Variants in WFDC2 observed in about 807,000 individuals in gnomAD.
WFDC2 encodes the protein WAP four-disulfide core domain 2.
In WFDC2, 8 loss-of-function variants were observed where a neutral mutation model predicts 12.5. That is an observed-to-expected ratio of 0.64 (90% CI 0.37 to 1.15). WFDC2 has a LOEUF of 1.15. Ranked by LOEUF, WFDC2 falls within the 50% of genes most tolerant of loss-of-function variation. WFDC2 has a pLI of 0.01. For synonymous variants in WFDC2, 74 were observed against 67.2 expected (o/e 1.10, Z -0.49); for missense variants, 166 against 159.9 (o/e 1.04, Z -0.21).
At chr20:45,471,307 C>G (rs1991169448) in intron 2 of WFDC2, 2 of 398,894 alleles carry the variant, frequency 5.0e-6, no homozygotes, top group South Asian at 3.6e-5. Flanking sequence ...GCAGTCTCCA[C>G]CAGGCTATCA....
chr20:45,469,868 G>A lies in WFDC2; in HGVS notation c.79+8G>A. On this transcript the variant is annotated splice_region_variant and intron_variant, in intron 1 of 3. Transcript: ENST00000372676. ...GCTTCACCCTAGTCTCAGGTGAGTG[G>A]GGCGGGGAGAGGCCCGGCGCCTAGA... 1 of 1,602,832 alleles carries A rather than the reference G, an allele frequency of 6.2e-7. No homozygotes were observed.
At chr20:45,475,143 AT>A (rs201060388) in intron 2 of WFDC2, among the ~76,000 whole-genome samples, 1 of 151,560 alleles carries the variant, frequency 6.6e-6, no homozygotes, top group Non-Finnish European at 1.5e-5. Context: ...GAATTCATTG[AT>A]TTTTTTTGAA....
intron 2 of WFDC2, among the ~76,000 whole-genome samples, chr20:45,475,573 G>T (rs1991223312): frequency 6.6e-6 from 1 of 152,160 alleles, no homozygotes; most frequent in African/African-American, 2.4e-5. Context: ...TTTTGCATTT[G>T]CTAATTAGTG....
chr20:45,470,376 C>A lies in WFDC2; in HGVS notation c.80-13C>A, dbSNP rs1330737130. 2 of 1,574,028 alleles carry A rather than the reference C, an allele frequency of 1.3e-6. 1 individual carries two copies. The highest frequency in any genetic ancestry group is 3.6e-5 in the Admixed American group (2 of 55,536). ...ACGCCCCACCCTCGACTGTCCCGGG[C>A]CTCCCCTCCCAGGCACAGGAGCAGA... On this transcript the variant is annotated splice_polypyrimidine_tract_variant and intron_variant, in intron 1 of 3. Transcript: ENST00000372676. This position sits in a 1 kb window ranked among gnomAD's most constrained non-coding sequence, Gnocchi z 5.4.
intron 2 of WFDC2, chr20:45,471,364 C>T (rs1407684502): frequency 3.0e-6 from 1 of 333,778 alleles, no homozygotes. Flanking sequence ...TTTCCGTTCT[C>T]CAGAGGAAAA....
Position 45,470,643 on chromosome 20 carries a change from G to A in WFDC2, c.223+111G>A. 2.1e-6 allele frequency: 3 copies of A among 1,396,062 alleles called. No individual in the cohort carries two copies. The highest frequency in any genetic ancestry group is 2.8e-6 in the Non-Finnish European group (3 of 1,057,080). 86.5% of individuals were successfully genotyped at this position (1,396,062 alleles called of 1,614,324 possible). A position where few individuals can be genotyped will look rare whatever the true frequency, so the allele number is the denominator to read the frequency against. ...GCGCCCCCGGACCCGGGGACCCCCG[G>A]GAAAGTCAAGGCGGTTGAAACCAGA... On this transcript the variant is annotated intron_variant, in intron 2 of 3. Coordinates refer to ENST00000372676, the MANE Select transcript of WFDC2 (RefSeq NM_006103.4). This position sits in a 1 kb window ranked among gnomAD's most constrained non-coding sequence, Gnocchi z 5.4.
chr20:45,479,795 C>T (rs1991278033), intron 2 of WFDC2, 147 bp from the exon 3 acceptor site: 2 of 1,613,592 alleles, frequency 1.2e-6, no homozygotes, highest in Non-Finnish European at 1.7e-6. Context: ...CTCCTGAGAG[C>T]AGCTCAGGTG....
At chr20:45,479,776 T>A in intron 2 of WFDC2, 166 bp from the exon 3 acceptor site, 1 of 1,613,872 alleles carries the variant, frequency 6.2e-7, no homozygotes, top group South Asian at 1.1e-5. Context: ...GCAGGTGATC[T>A]TCCTGGGCCT....
At chr20:45,477,789 C>T (rs1991251383) in intron 2 of WFDC2, among the ~76,000 whole-genome samples, 1 of 152,216 alleles carries the variant, frequency 6.6e-6, no homozygotes, top group Non-Finnish European at 1.5e-5. Context: ...TGCTCTGTCC[C>T]AGGGAGATGG....
In WFDC2 at chr20:45,470,262, G is replaced by T. The variant is rs920878996; in HGVS notation, c.80-127G>T. The stretch of plus-strand genomic sequence containing the variant: ...GGTCTGGAAGAAGGAGTCTCTGGGG[G>T]CTGTAAGGGGACTCCTAGGGCCAGA... On this transcript the variant is annotated intron_variant, in intron 1 of 3. Transcript: ENST00000372676. This position sits in a 1 kb window ranked among gnomAD's most constrained non-coding sequence, Gnocchi z 5.4. The T allele has an allele frequency of 2.3e-6, 3 of 1,308,902 alleles. No individual in the cohort carries two copies. The highest frequency in any genetic ancestry group is 2.7e-5 in the Admixed American group (1 of 36,620). The allele number at this position is 1,308,902 out of a possible 1,614,324, so 81.1% of individuals were successfully genotyped here. A position where few individuals can be genotyped will look rare whatever the true frequency, so the allele number is the denominator to read the frequency against.
intron 2 of WFDC2, among the ~76,000 whole-genome samples, chr20:45,479,206 C>T (rs948773380): frequency 3.3e-5 from 5 of 152,168 alleles, no homozygotes; most frequent in Admixed American, 2.0e-4. Context: ...AACTGGGATT[C>T]GGTCTGTGGG....
Position 45,479,989 on chromosome 20 carries a change from G to T in WFDC2, c.271G>T (p.Gly91Cys), listed in dbSNP as rs772150522. ...PQVNINFPQL[G>C]LCRDQCQVDS... The stretch of plus-strand genomic sequence containing the variant: ...GGTGAACATTAACTTTCCCCAGCTC[G>T]GCCTCTGTCGGGACCAGTGCCAGGT... Residue 91 changes from glycine (G) to cysteine (C), a missense_variant, in exon 3 of 4, where the codon GGC becomes TGC. Gly to Cys is a radical substitution (Grantham distance 159, BLOSUM62 -3). Coordinates refer to ENST00000372676, the MANE Select transcript of WFDC2 (RefSeq NM_006103.4). 4.3e-6 allele frequency: 7 copies of T among 1,614,068 alleles called. No individual in the cohort carries two copies. The highest frequency in any genetic ancestry group is 5.9e-6 in the Non-Finnish European group (7 of 1,180,040).
intron 2 of WFDC2, chr20:45,479,515 G>T: frequency 1.5e-6 from 1 of 680,954 alleles, no homozygotes; most frequent in South Asian, 1.8e-5. Context: ...TACCTGGCAT[G>T]TAATAAGAGC....
At position 45,470,366 on chromosome 20, in the gene WFDC2, C is replaced by CT; in HGVS notation, c.80-22dup. The CT allele has an allele frequency of 6.4e-7, 1 of 1,566,058 alleles. No individual in the cohort carries two copies. Among genetic ancestry groups the CT allele is most frequent in the South Asian group, 1.2e-5 (1 of 85,332 alleles). On this transcript the variant is annotated intron_variant, in intron 1 of 3. Transcript: ENST00000372676. The surrounding 1 kb of genome is among the most constrained non-coding windows in gnomAD (Gnocchi z 5.4). ...GGCTGGCGCTACGCCCCACCCTCGA[C>CT]TGTCCCGGGCCTCCCCTCCCAGGCA...
At position 45,473,015 on chromosome 20, in the gene WFDC2, C is replaced by T. The variant is rs148357447; in HGVS notation, c.223+2483C>T. Among the ~76,000 whole-genome samples the T allele has an allele frequency of 2.5e-3, 385 of 152,242 alleles. 1 individual carries two copies. Among genetic ancestry groups the T allele is most frequent in the Middle Eastern group, 0.01 (3 of 294 alleles). ...TTGAGAAGCATCTGTTCATATCCTT[C>T]GCCCACGTTCTAATGGGGTTTTTTT... is the stretch of plus-strand genomic sequence containing the variant. On this transcript the variant is annotated intron_variant, in intron 2 of 3. Coordinates refer to ENST00000372676, the MANE Select transcript of WFDC2 (RefSeq NM_006103.4).
intron 2 of WFDC2, chr20:45,471,016 C>T: frequency 2.5e-6 from 1 of 399,600 alleles, no homozygotes; most frequent in East Asian, 7.5e-5. Context: ...AGGAACTTTA[C>T]AGATTTAGGA....
Position 45,470,273 on chromosome 20 carries a change from A to G in WFDC2, c.80-116A>G. 2.2e-6 allele frequency: 3 copies of G among 1,381,458 alleles called. No homozygotes were observed. Among genetic ancestry groups the G allele is most frequent in the Non-Finnish European group, 2.9e-6 (3 of 1,043,398 alleles). The allele number at this position is 1,381,458 out of a possible 1,614,324, so 85.6% of individuals were successfully genotyped here. A position where few individuals can be genotyped will look rare whatever the true frequency, so the allele number is the denominator to read the frequency against. ...AGGAGTCTCTGGGGGCTGTAAGGGG[A>G]CTCCTAGGGCCAGAGACTGAGAATT... On this transcript the variant is annotated intron_variant, in intron 1 of 3. Transcript: ENST00000372676. The surrounding 1 kb of genome is among the most constrained non-coding windows in gnomAD (Gnocchi z 5.4).
chr20:45,471,866 T>C (rs1164119507), intron 2 of WFDC2, among the ~76,000 whole-genome samples: 1 of 131,344 alleles, frequency 7.6e-6, no homozygotes, highest in Non-Finnish European at 1.5e-5. Context: ...CCTGAGCATG[T>C]TGTTTACCTC....
Position 45,470,405 on chromosome 20 carries a change from G to A in WFDC2, c.96G>A (p.Lys32=). 6.3e-7 allele frequency: 1 copy of A among 1,589,564 alleles called. No individual in the cohort carries two copies. Among genetic ancestry groups the A allele is most frequent in the Non-Finnish European group, 8.6e-7 (1 of 1,167,214 alleles). Residue 32 remains lysine, a synonymous_variant, in exon 2 of 4, where the codon AAG becomes AAA. Transcript: ENST00000372676. The surrounding 1 kb of genome is among the most constrained non-coding windows in gnomAD (Gnocchi z 5.4). ...FTLVSGTGAE[K]TGVCPELQAD... ...CCCTCCCAGGCACAGGAGCAGAGAAGACTGGCGTGTGCCCCGAGCTCCAGG... is the reference window on the plus strand; with the variant it reads ...CCCTCCCAGGCACAGGAGCAGAGAAAACTGGCGTGTGCCCCGAGCTCCAGG...
Sources: gnomAD v4.1 joint callset for allele counts (sites outside exome capture counted in the v4.1 genomes callset) on GRCh38, gnomAD v4.1.1 for gene constraint, Gnocchi (gnomAD v3.1) non-coding constraint, MANE v1.5 for transcripts, NCBI Gene and HGNC (gene_info 2026-07-23, HGNC 2026-07-21) for gene names.